Variants in GPBP1 observed in about 807,000 individuals in gnomAD.
GPBP1 encodes the protein vasculin.
In GPBP1, 13 loss-of-function variants were observed where a neutral mutation model predicts 56.5. The ratio of observed to expected loss-of-function variants is 0.23; its 90% CI spans 0.15 to 0.37. GPBP1 has a LOEUF of 0.37. Among genes scored for constraint, GPBP1 ranks in the 10% least tolerant of loss-of-function variants. The probability of loss-of-function intolerance (pLI) is 1.00; values close to 1 mark genes in which losing one functional copy is unlikely to be tolerated. For missense variants in GPBP1, 477 were observed against 572.3 expected, an observed-to-expected ratio of 0.83 and a Z score of 1.70; for synonymous variants, 204 against 188.9, an observed-to-expected ratio of 1.08 and a Z score of -0.66.
At chr5:57,218,059 T>G (rs1755774788) in intron 3 of GPBP1, among the ~76,000 whole-genome samples, 2 of 151,666 alleles carry the variant, frequency 1.3e-5, no homozygotes, top group South Asian at 4.2e-4. Flanking sequence ...AAGACCTGTG[T>G]AAAAGAAAAA....
At chr5:57,184,522 T>G (rs1206460444) in intron 2 of GPBP1, among the ~76,000 whole-genome samples, 1 of 152,032 alleles carries the variant, frequency 6.6e-6, no homozygotes, top group Non-Finnish European at 1.5e-5. Context: ...TAAACAGCTC[T>G]CTGGTGAACT....
At chr5:57,235,259 A>G (rs1463431819) in intron 5 of GPBP1, among the ~76,000 whole-genome samples, 5 of 152,030 alleles carry the variant, frequency 3.3e-5, no homozygotes, top group African/African-American at 4.8e-5. Context: ...GTGAGCTGAG[A>G]TCGTACCACT....
chr5:57,237,175 A>G, intron 6 of GPBP1: 1 of 1,537,980 alleles, frequency 6.5e-7, no homozygotes, highest in Non-Finnish European at 8.8e-7. Flanking sequence ...TCTCTTAGGT[A>G]TGTTTCCTTA....
chr5:57,247,211 A>G lies in GPBP1; in HGVS notation c.800A>G (p.Lys267Arg). The change falls in exon 8 of 12, where the codon AAA becomes AGA. Residue 267 changes from lysine (K) to arginine (R), a missense_variant. This residue lies in a region of GPBP1 where 414 missense variants were observed against 458.2 expected (regional missense o/e 0.90). Coordinates refer to ENST00000506184, the MANE Select transcript of GPBP1 (RefSeq NM_022913.4). ...KNFSPSTNSV[K>R]ECNRSNSSSP... is the part of the protein sequence containing the mutation. ...TTTAGTCCATCTACAAATTCAGTGA[A>G]AGAGGTATGACATTAAAAATCACAC... is the stretch of plus-strand genomic sequence containing the variant. 1 of 1,611,930 alleles carries G rather than the reference A, an allele frequency of 6.2e-7. No individual in the cohort carries two copies. The highest frequency in any genetic ancestry group is 8.5e-7 in the Non-Finnish European group (1 of 1,179,016).
At chr5:57,177,649 T>A (rs558620762) in intron 2 of GPBP1, among the ~76,000 whole-genome samples, 24 of 16,730 alleles carry the variant, frequency 1.4e-3, no homozygotes, top group African/African-American at 4.9e-3. Flanking sequence ...AATTTTTGCC[T>A]TTTTTTTTTT....
At chr5:57,217,201 A>G (rs543650993) in intron 3 of GPBP1, among the ~76,000 whole-genome samples, 3 of 152,120 alleles carry the variant, frequency 2.0e-5, no homozygotes, top group African/African-American at 7.2e-5. Context: ...GTTGTAATAC[A>G]ATTTTTTTGG....
chr5:57,194,696 A>G (rs751087668), intron 2 of GPBP1, among the ~76,000 whole-genome samples: 4 of 152,062 alleles, frequency 2.6e-5, no homozygotes, highest in Non-Finnish European at 5.9e-5. Flanking sequence ...AGTAACCATT[A>G]TTCTCCTCTA....
intron 3 of GPBP1, among the ~76,000 whole-genome samples, chr5:57,221,855 G>A (rs1039825539): frequency 2.6e-5 from 4 of 152,118 alleles, no homozygotes; most frequent in South Asian, 2.1e-4. Context: ...ACTGCTAGTC[G>A]AGTTCATTGA....
At chr5:57,211,801 A>G (rs946508932) in intron 2 of GPBP1, among the ~76,000 whole-genome samples, 4 of 150,844 alleles carry the variant, frequency 2.7e-5, no homozygotes, top group Non-Finnish European at 4.4e-5. Context: ...CAAACTCCCA[A>G]CCTCAGGTGA....
rs1278817837 is a variant in GPBP1, at chr5:57,263,643, C to T, written c.*891C>T. ...TTTCTAAACATAAACATACTCTAAACATGCTTTATTCACTTGTTAAAGTCA... is the reference window on the plus strand; with the variant it reads ...TTTCTAAACATAAACATACTCTAAATATGCTTTATTCACTTGTTAAAGTCA... On this transcript the variant is annotated 3_prime_UTR_variant, in exon 12 of 12. Transcript: ENST00000506184. 6.6e-6 allele frequency: 1 copy of T among 152,142 alleles called. No individual in the cohort carries two copies. The highest frequency in any genetic ancestry group is 1.9e-4 in the East Asian group (1 of 5,200). The allele number at this position is 152,142 out of a possible 1,614,324, so 9.4% of individuals were successfully genotyped here.
chr5:57,261,282 G>T lies in GPBP1; in HGVS notation c.1263G>T (p.Gln421His). ...EMREFQVISE[Q>H]LQKNGLRKNG... ...GAGAATTCCAAGTTATTAGTGAACA[G>T]GTAAGAAAACCTGAATCATACAACT... The change falls in exon 11 of 12, where the codon CAG becomes CAT. Residue 421 changes from glutamine to histidine, a missense_variant and splice_region_variant. Coordinates refer to ENST00000506184, the MANE Select transcript of GPBP1 (RefSeq NM_022913.4). The T allele has an allele frequency of 6.4e-7, 1 of 1,562,448 alleles. No homozygotes were observed. Among genetic ancestry groups the T allele is most frequent in the Non-Finnish European group, 8.8e-7 (1 of 1,133,260 alleles).
At chr5:57,177,630 C>A (rs112711019) in intron 2 of GPBP1, among the ~76,000 whole-genome samples, 1 of 147,272 alleles carries the variant, frequency 6.8e-6, no homozygotes. Context: ...CCCGCCACCA[C>A]GCTCGGCCAA....
At chr5:57,199,217 G>A (rs148139617) in intron 2 of GPBP1, among the ~76,000 whole-genome samples, 1,577 of 152,224 alleles carry the variant, frequency 0.01, 17 homozygotes, top group Middle Eastern at 0.051. Flanking sequence ...TAAAACTAGC[G>A]ATATTCTTGT....
intron 2 of GPBP1, among the ~76,000 whole-genome samples, chr5:57,182,230 C>T (rs1026340445): frequency 2.0e-5 from 3 of 151,988 alleles, no homozygotes; most frequent in Admixed American, 6.6e-5. Context: ...ATTACAGGCA[C>T]CTGCCATCAG....
At chr5:57,182,507 G>A (rs1016607773) in intron 2 of GPBP1, among the ~76,000 whole-genome samples, 3 of 150,912 alleles carry the variant, frequency 2.0e-5, no homozygotes, top group Non-Finnish European at 2.9e-5. Flanking sequence ...CGAGTAGCTG[G>A]GATTATAGGC....
intron 2 of GPBP1, among the ~76,000 whole-genome samples, chr5:57,203,324 A>G (rs1446725406): frequency 6.6e-6 from 1 of 152,058 alleles, no homozygotes; most frequent in Non-Finnish European, 1.5e-5. Flanking sequence ...TTTGATTTTT[A>G]TGATAAAAAT....
intron 2 of GPBP1, among the ~76,000 whole-genome samples, chr5:57,209,987 A>G (rs1259099752): frequency 6.9e-6 from 1 of 145,900 alleles, no homozygotes; most frequent in African/African-American, 2.4e-5. Context: ...TTGTGATTTT[A>G]AAGCTTATTT....
At chr5:57,177,453 T>A (rs1309370514) in intron 2 of GPBP1, among the ~76,000 whole-genome samples, 1 of 152,062 alleles carries the variant, frequency 6.6e-6, no homozygotes, top group Non-Finnish European at 1.5e-5. Flanking sequence ...GGTATTTCAA[T>A]TAATTGTCTT....
chr5:57,253,142 G>C (rs1004290772), intron 10 of GPBP1, among the ~76,000 whole-genome samples: 1 of 151,946 alleles, frequency 6.6e-6, no homozygotes, highest in African/African-American at 2.4e-5. Context: ...TTGTTTTTTT[G>C]TAGTTAAAAG....
Sources: gnomAD v4.1 joint callset for allele counts (sites outside exome capture counted in the v4.1 genomes callset) on GRCh38, gnomAD v4.1.1 for gene constraint, gnomAD v4.1.1 regional missense constraint, MANE v1.5 for transcripts, NCBI Gene and HGNC (gene_info 2026-07-23, HGNC 2026-07-21) for gene names.